Variants in SEMA4D observed in about 807,000 individuals in gnomAD.
SEMA4D encodes the protein semaphorin-4D.
A neutral mutation model predicts 74.8 loss-of-function variants in SEMA4D; 22 were observed. That is an observed-to-expected ratio of 0.29 (90% CI 0.21 to 0.42). SEMA4D has a LOEUF of 0.42. Among genes scored for constraint, SEMA4D ranks in the 10% least tolerant of loss-of-function variants. The pLI is 1.00. For missense variants in SEMA4D, 937 were observed against 1,118.4 expected (o/e 0.84, Z 2.31); for synonymous variants, 445 against 463.7 (o/e 0.96, Z 0.52).
rs1024073025 is a variant in SEMA4D, at chr9:89,484,358, T to G, written c.-310+13561A>C. On this transcript the variant is annotated intron_variant, in intron 1 of 15. Transcript: ENST00000422704. This position sits in a 1 kb window ranked among gnomAD's most constrained non-coding sequence, Gnocchi z 4.1. ...ATACGGGGTATGTGTGTGCTGTGTGTGCTGCGGCACGTGCAGCATATGACT... is the reference window on the plus strand; with the variant it reads ...ATACGGGGTATGTGTGTGCTGTGTGGGCTGCGGCACGTGCAGCATATGACT... 6.6e-6 allele frequency among the ~76,000 whole-genome samples: 1 copy of G among 152,234 alleles called. No homozygotes were observed. The highest frequency in any genetic ancestry group is 2.4e-5 in the African/African-American group (1 of 41,470).
At chr9:89,408,478 C>G (rs1165725773) in intron 2 of SEMA4D, among the ~76,000 whole-genome samples, 1 of 152,220 alleles carries the variant, frequency 6.6e-6, no homozygotes, top group African/African-American at 2.4e-5. Context: ...AACCAGCTAC[C>G]CCTCCTTTTG....
chr9:89,378,539 G>C lies in SEMA4D; in HGVS notation c.*165C>G. 1 of 601,218 alleles carries C rather than the reference G, an allele frequency of 1.7e-6. No homozygotes were observed. The highest frequency in any genetic ancestry group is 2.9e-6 in the Non-Finnish European group (1 of 340,084). 37.2% of individuals were successfully genotyped at this position (601,218 alleles called of 1,614,324 possible). On this transcript the variant is annotated 3_prime_UTR_variant, in exon 16 of 16. Transcript: ENST00000422704. The stretch of plus-strand genomic sequence containing the variant: ...AAGGACAAAGAGAAACCAAGTCACA[G>C]GCTCAACCCAAGAGAAAATAGACAA...
At chr9:89,386,285 C>A (rs1838467510) in intron 13 of SEMA4D, 82 bp downstream of exon 13, 27 of 1,195,376 alleles carry the variant, frequency 2.3e-5, no homozygotes, top group Non-Finnish European at 3.0e-5. Context: ...GAGCCCGACT[C>A]CAGCTTGCCA....
Position 89,463,353 on chromosome 9 carries a change from G to A in SEMA4D, c.-309-7400C>T, listed in dbSNP as rs183441150. ...TTATTAACCAAGCCCATTCATTTCT[G>A]AGCTAAAAATCTACCTGAGGCTCAC... is the stretch of plus-strand genomic sequence containing the variant. On this transcript the variant is annotated intron_variant, in intron 1 of 15. Transcript: ENST00000422704. Among the ~76,000 whole-genome samples the A allele has an allele frequency of 2.3e-4, 35 of 152,260 alleles. No homozygotes were observed. The East Asian group carries it at 6.8e-3, about 29-fold the overall frequency.
chr9:89,396,119 C>A (rs1840902491), intron 6 of SEMA4D, among the ~76,000 whole-genome samples: 1 of 152,158 alleles, frequency 6.6e-6, no homozygotes, highest in Non-Finnish European at 1.5e-5. Flanking sequence ...GGGACAGAGG[C>A]CGGACTTGCT....
chr9:89,369,921 G>GGTAGC (rs1834278796), intron 16 of SEMA4D, among the ~76,000 whole-genome samples: 1 of 151,416 alleles, frequency 6.6e-6, no homozygotes, highest in Non-Finnish European at 1.5e-5. Context: ...GTGTGGTGTG[G>GGTAGC]GTAGCGTGCA....
chr9:89,446,218 G>A (rs1006017339), intron 2 of SEMA4D, among the ~76,000 whole-genome samples: 2 of 152,128 alleles, frequency 1.3e-5, no homozygotes, highest in Non-Finnish European at 2.9e-5. Flanking sequence ...CTCTGTGCCC[G>A]ATCTCCCTCT....
At chr9:89,455,244 A>C (rs1185509791) in intron 2 of SEMA4D, among the ~76,000 whole-genome samples, 1 of 152,198 alleles carries the variant, frequency 6.6e-6, no homozygotes, top group Non-Finnish European at 1.5e-5. Context: ...TTCAGACAAC[A>C]AGCAGCCCCT....
At position 89,488,352 on chromosome 9, in the gene SEMA4D, C is replaced by CTTTTTTTTTTTTTTTTTT. The variant is rs1158168446; in HGVS notation, c.-310+9549_-310+9566dup. On this transcript the variant is annotated intron_variant, in intron 1 of 15. Transcript: ENST00000422704. ...AATTAACTCGAAATGGATCACAGAT[C>CTTTTTTTTTTTTTTTTTT]TTTTTTTTTTTTTTTTTTTTTTTTT... Among the ~76,000 whole-genome samples, 5 of 62,592 alleles carry CTTTTTTTTTTTTTTTTTT rather than the reference C, an allele frequency of 8.0e-5. 2 individuals are homozygous for CTTTTTTTTTTTTTTTTTT. Among genetic ancestry groups the CTTTTTTTTTTTTTTTTTT allele is most frequent in the Non-Finnish European group, 1.1e-4 (4 of 35,772 alleles). 41.1% of individuals were successfully genotyped at this position (62,592 alleles called of 152,430 possible).
chr9:89,372,283 GGGGGTGTGTAT>G (rs1254089117), downstream of SEMA4D, among the ~76,000 whole-genome samples: 4 of 109,332 alleles, frequency 3.7e-5, no homozygotes, highest in African/African-American at 1.4e-4. Context: ...GGTGTGTGTC[GGGGGTGTGTAT>G]GGGGTGTGGT....
intron 13 of SEMA4D, chr9:89,385,037 C>A (rs1838119822): frequency 1.0e-6 from 1 of 985,384 alleles, no homozygotes; most frequent in Admixed American, 6.1e-5. Flanking sequence ...GCAAGCGCTT[C>A]CCCAAACCCA....
rs1292636680 is a variant in SEMA4D at position 89,379,556 on chromosome 9, T to C, written c.1737A>G (p.Lys579=). The C allele has an allele frequency of 2.5e-6, 4 of 1,614,050 alleles. No individual in the cohort carries two copies. In the African/African-American group the frequency reaches 4.0e-5, roughly 16 times the overall value. The change falls in exon 16 of 16, where the codon AAA becomes AAG. Residue 579 remains lysine, a synonymous_variant. Transcript: ENST00000422704. ...TCCAAAAGACCCGGGCCAGGTTGGA[T>C]TTTTGGGAGCATTTCAGTTCCGCTG... ...GGTAELKCSQ[K]SNLARVFWKF...
At chr9:89,373,895 CTG>C (rs1835442030), downstream of SEMA4D, among the ~76,000 whole-genome samples, 1 of 152,246 alleles carries the variant, frequency 6.6e-6, no homozygotes, top group African/African-American at 2.4e-5. Flanking sequence ...ACTGTGGCCT[CTG>C]TCGCAGGAAG....
At chr9:89,471,366 T>C (rs899655348) in intron 1 of SEMA4D, among the ~76,000 whole-genome samples, 1 of 152,246 alleles carries the variant, frequency 6.6e-6, no homozygotes, top group Non-Finnish European at 1.5e-5. Context: ...AATTTTATGT[T>C]TATTTTACCA....
intron 1 of SEMA4D, among the ~76,000 whole-genome samples, chr9:89,463,974 C>A (rs547995787): frequency 2.0e-5 from 3 of 151,402 alleles, no homozygotes; most frequent in African/African-American, 7.3e-5. Flanking sequence ...CCAACTAGAG[C>A]CAAAGGCTTA....
intron 1 of SEMA4D, among the ~76,000 whole-genome samples, chr9:89,464,657 C>G (rs1158627170): frequency 6.6e-6 from 1 of 152,212 alleles, no homozygotes; most frequent in Non-Finnish European, 1.5e-5. Context: ...GTGAAGCACC[C>G]CCAGGGGAAA....
chr9:89,396,335 C>T (rs1413306023), intron 6 of SEMA4D, among the ~76,000 whole-genome samples: 3 of 152,202 alleles, frequency 2.0e-5, no homozygotes, highest in African/African-American at 4.8e-5. Flanking sequence ...GGCTGTCTGT[C>T]CTTTCCAGCA....
At chr9:89,426,974 A>G (rs1364816811) in intron 2 of SEMA4D, among the ~76,000 whole-genome samples, 2 of 152,186 alleles carry the variant, frequency 1.3e-5, no homozygotes, top group East Asian at 3.9e-4. Flanking sequence ...GTCTGTCCCC[A>G]GCGAGTTCCC....
intron 2 of SEMA4D, among the ~76,000 whole-genome samples, chr9:89,415,384 C>T (rs531571838): frequency 3.9e-5 from 6 of 152,208 alleles, no homozygotes; most frequent in Admixed American, 2.0e-4. Context: ...ACTGTGTTAA[C>T]CCTGCGGCCC....
Sources: gnomAD v4.1 joint callset for allele counts (sites outside exome capture counted in the v4.1 genomes callset) on GRCh38, gnomAD v4.1.1 for gene constraint, Gnocchi (gnomAD v3.1) non-coding constraint, MANE v1.5 for transcripts, NCBI Gene and HGNC (gene_info 2026-07-23, HGNC 2026-07-21) for gene names.